ME3: variants seen among roughly 807,000 people sequenced by gnomAD.
ME3 encodes the protein malic enzyme 3.
A neutral mutation model predicts 68.9 loss-of-function variants in ME3; 48 were observed. The ratio of observed to expected loss-of-function variants is 0.70; its 90% confidence interval spans 0.55 to 0.89. The LOEUF (loss-of-function observed/expected upper bound fraction) is 0.89. Among genes scored for constraint, ME3 ranks in the 40% least tolerant of loss-of-function variants. The pLI is 0.00. For synonymous variants in ME3, 320 were observed against 318.8 expected (o/e 1.00, Z -0.04); for missense variants, 675 against 797.4 (o/e 0.85, Z 1.85).
At chr11:86,514,167 G>T (rs570949119) in intron 4 of ME3, among the ~76,000 whole-genome samples, 1 of 152,262 alleles carries the variant, frequency 6.6e-6, no homozygotes. Flanking sequence ...TTGTGAAGAA[G>T]GTGCCTGCTT....
intron 4 of ME3, among the ~76,000 whole-genome samples, chr11:86,550,361 A>G (rs1433170453): frequency 6.6e-6 from 1 of 152,164 alleles, no homozygotes; most frequent in Non-Finnish European, 1.5e-5. Context: ...ACTACAGACT[A>G]ATGAGCTAAG....
At position 86,641,049 on chromosome 11, in the gene ME3, C is replaced by T. The variant is rs561562985; in HGVS notation, c.183+30713G>A. Among the ~76,000 whole-genome samples, 17 of 131,512 alleles carry T rather than the reference C, an allele frequency of 1.3e-4. 1 individual carries two copies. In the South Asian group the frequency reaches 4.1e-3, roughly 32 times the overall value. 86.3% of individuals were successfully genotyped at this position (131,512 alleles called of 152,430 possible). A position where few individuals can be genotyped will look rare whatever the true frequency, so the allele number is the denominator to read the frequency against. Reference sequence around the variant, plus strand: ...TCTCAATTTCACTGGGGGGGGGGGTCAATGAAGGGCATATGTGAGTAGATC... The same window carrying T: ...TCTCAATTTCACTGGGGGGGGGGGTTAATGAAGGGCATATGTGAGTAGATC... On this transcript the variant is annotated intron_variant, in intron 2 of 14. Transcript: ENST00000543262.
At chr11:86,633,319 A>T (rs1944130543) in intron 2 of ME3, among the ~76,000 whole-genome samples, 1 of 152,230 alleles carries the variant, frequency 6.6e-6, no homozygotes, top group Non-Finnish European at 1.5e-5. Context: ...ACTCTCATAC[A>T]GCCACATGAG....
chr11:86,661,186 T>C (rs78896828), intron 2 of ME3, among the ~76,000 whole-genome samples: 5,951 of 152,308 alleles, frequency 0.039, 150 homozygotes, highest in Non-Finnish European at 0.059. Flanking sequence ...AAATGTACAC[T>C]AAGGCCAAAT....
In ME3 at chr11:86,605,747, C is replaced by G. The variant is rs540917320; in HGVS notation, c.184-45924G>C. Among the ~76,000 whole-genome samples the G allele has an allele frequency of 2.0e-5, 3 of 152,174 alleles. No individual in the cohort carries two copies. The South Asian group carries it at 6.2e-4, about 32-fold the overall frequency. On this transcript the variant is annotated intron_variant, in intron 2 of 14. Transcript: ENST00000543262. ...AAAATAGATTTTTTAAAAATCACAC[C>G]CATTTTACAGATGGAATGGACAACT...
At chr11:86,495,529 T>A (rs886574331) in intron 6 of ME3, among the ~76,000 whole-genome samples, 3 of 152,138 alleles carry the variant, frequency 2.0e-5, no homozygotes, top group African/African-American at 4.8e-5. Context: ...CTCAATTAAA[T>A]CCAGCTGGAA....
intron 6 of ME3, among the ~76,000 whole-genome samples, chr11:86,494,657 C>G (rs1206365498): frequency 6.8e-6 from 1 of 147,984 alleles, no homozygotes; most frequent in Non-Finnish European, 1.5e-5. Flanking sequence ...TTCTAGAGGC[C>G]TAAAGCACCA....
At chr11:86,469,176 G>A (rs565417322) in intron 7 of ME3, among the ~76,000 whole-genome samples, 5 of 152,294 alleles carry the variant, frequency 3.3e-5, no homozygotes, top group African/African-American at 1.2e-4. Context: ...AGGAGTCTTG[G>A]CTGAGTCCCC....
At chr11:86,635,769 A>G (rs1421449466) in intron 2 of ME3, among the ~76,000 whole-genome samples, 3 of 152,158 alleles carry the variant, frequency 2.0e-5, no homozygotes, top group Non-Finnish European at 2.9e-5. Flanking sequence ...CTGGTCTGTG[A>G]TATTCTGTTA....
intron 2 of ME3, among the ~76,000 whole-genome samples, chr11:86,619,448 C>T (rs1943204658): frequency 6.6e-6 from 1 of 152,182 alleles, no homozygotes; most frequent in East Asian, 1.9e-4. Context: ...GGCTGTGTCC[C>T]CACCCAAATC....
intron 2 of ME3, among the ~76,000 whole-genome samples, chr11:86,615,568 T>G (rs1942900557): frequency 6.6e-6 from 1 of 152,218 alleles, no homozygotes; most frequent in African/African-American, 2.4e-5. Flanking sequence ...ATCACAGAGC[T>G]AATAAGAGTT....
At chr11:86,586,581 A>T (rs1958747381) in intron 2 of ME3, among the ~76,000 whole-genome samples, 1 of 152,214 alleles carries the variant, frequency 6.6e-6, no homozygotes, top group Non-Finnish European at 1.5e-5. Flanking sequence ...AAGGTCTATA[A>T]GCTGGTGCCA....
chr11:86,546,911 C>T (rs1443188426), intron 4 of ME3, among the ~76,000 whole-genome samples: 1 of 151,452 alleles, frequency 6.6e-6, no homozygotes, highest in Non-Finnish European at 1.5e-5. Flanking sequence ...GACTTGGGAC[C>T]AATCCAAATG....
chr11:86,442,703 G>A, intron 14 of ME3, 118 bp downstream of exon 14: 1 of 797,680 alleles, frequency 1.3e-6, no homozygotes, highest in Non-Finnish European at 2.0e-6. Flanking sequence ...TACAGGTAGT[G>A]CAGCTCAAGG....
chr11:86,549,101 T>C (rs1292203269), intron 4 of ME3, among the ~76,000 whole-genome samples: 1 of 152,272 alleles, frequency 6.6e-6, no homozygotes, highest in African/African-American at 2.4e-5. Context: ...ATACTTACTT[T>C]AACCTGTTAG....
chr11:86,627,568 T>G (rs1943741149), intron 2 of ME3, among the ~76,000 whole-genome samples: 1 of 152,208 alleles, frequency 6.6e-6, no homozygotes, highest in Non-Finnish European at 1.5e-5. Context: ...CACAATAAAA[T>G]TACCAAGATT....
chr11:86,488,124 G>A (rs965089209), intron 6 of ME3, among the ~76,000 whole-genome samples: 1 of 152,114 alleles, frequency 6.6e-6, no homozygotes, highest in East Asian at 1.9e-4. Context: ...AGGCTGCAGT[G>A]AGCCATGATT....
downstream of ME3, among the ~76,000 whole-genome samples, chr11:86,440,160 G>C (rs1001688797): frequency 1.3e-5 from 2 of 152,190 alleles, no homozygotes; most frequent in African/African-American, 4.8e-5. Flanking sequence ...TGAGGTAGCA[G>C]CAGGAGTAGG....
chr11:86,559,636 A>T (rs541600940), intron 3 of ME3, 54 bp downstream of exon 3: 3 of 1,554,348 alleles, frequency 1.9e-6, no homozygotes, highest in South Asian at 2.4e-5. Flanking sequence ...AAGCACAGGA[A>T]ACAGACAGCT....
Sources: allele counts gnomAD v4.1 joint callset (sites outside exome capture counted in the v4.1 genomes callset), GRCh38; gene constraint gnomAD v4.1.1; transcripts MANE v1.5; gene names NCBI Gene and HGNC (gene_info 2026-07-23, HGNC 2026-07-21).